The following CLCF1 variants were observed in gnomAD, a reference collection of about 807,000 sequenced individuals.
CLCF1 encodes cardiotrophin-like cytokine factor 1.
CLCF1 carries 10 observed loss-of-function variants against 21.2 expected under a neutral mutation model. The observed-to-expected ratio is 0.47, with a 90% CI of 0.29 to 0.80. CLCF1 has a LOEUF of 0.80. Among genes scored for constraint, CLCF1 ranks in the 30% least tolerant of loss-of-function variants. The pLI is 0.09. For synonymous variants in CLCF1, 115 were observed against 120.5 expected, an observed-to-expected ratio of 0.95 and a Z score of 0.30; for missense variants, 240 against 293.4, an observed-to-expected ratio of 0.82 and a Z score of 1.33.
At chr11:67,371,816 CAGTG>C (rs979145869) in intron 1 of CLCF1, among the ~76,000 whole-genome samples, 5 of 151,922 alleles carry the variant, frequency 3.3e-5, no homozygotes, top group Admixed American at 3.3e-4. Context: ...TGTGAAGTGT[CAGTG>C]AGCCAGTGGC....
Position 67,364,906 on chromosome 11 carries a change from C to T in CLCF1, c.*230G>A. The T allele has an allele frequency of 1.6e-6, 1 of 635,944 alleles. No individual in the cohort carries two copies. Among genetic ancestry groups the T allele is most frequent in the Non-Finnish European group, 2.6e-6 (1 of 379,612 alleles). 39.4% of individuals were successfully genotyped at this position (635,944 alleles called of 1,614,324 possible). A position where few individuals can be genotyped will look rare whatever the true frequency, so the allele number is the denominator to read the frequency against. On this transcript the variant is annotated 3_prime_UTR_variant, in exon 3 of 3. Transcript: ENST00000312438. ...TTCACACTCCCTCGAGCATGACTTC[C>T]TGTAGAAACAGGACAGGACAGGGCC...
At chr11:67,369,769 CT>C (rs1862190100) in intron 1 of CLCF1, 1 of 985,330 alleles carries the variant, frequency 1.0e-6, no homozygotes, top group East Asian at 1.1e-4. Context: ...TAGGCTCTGC[CT>C]TTGTCATGGC....
At position 67,365,905 on chromosome 11, in the gene CLCF1, G is replaced by A. The variant is rs1249440938; in HGVS notation, c.184-275C>T. Reference sequence around the variant, plus strand: ...GACGCACAAGACGCTCAGGAAGGACGTGCTGATTGGCTGGGTGGGCAAACC... The same window carrying A: ...GACGCACAAGACGCTCAGGAAGGACATGCTGATTGGCTGGGTGGGCAAACC... On this transcript the variant is annotated intron_variant, in intron 2 of 2. Transcript: ENST00000312438. This position sits in a 1 kb window ranked among gnomAD's most constrained non-coding sequence, Gnocchi z 5.0. 6.6e-6 allele frequency among the ~76,000 whole-genome samples: 1 copy of A among 152,216 alleles called. No homozygotes were observed. Among genetic ancestry groups the A allele is most frequent in the African/African-American group, 2.4e-5 (1 of 41,460 alleles).
rs1255548926 is a variant in CLCF1, at chr11:67,372,259, T to C, written c.16+1265A>G. 1.3e-5 allele frequency among the ~76,000 whole-genome samples: 2 copies of C among 151,590 alleles called. No homozygotes were observed. Among genetic ancestry groups the C allele is most frequent in the Non-Finnish European group, 2.9e-5 (2 of 67,828 alleles). On this transcript the variant is annotated intron_variant, in intron 1 of 2. Coordinates refer to ENST00000312438, the MANE Select transcript of CLCF1 (RefSeq NM_013246.3). The surrounding 1 kb of genome is among the most constrained non-coding windows in gnomAD (Gnocchi z 5.9). ...CACCCGCCCGTCTCCCCTCCTCTCC[T>C]GGTAGCCCCTCACACCCCGGGGGGA...
Position 67,373,588 on chromosome 11 carries a change from CG to C in CLCF1, c.-50del. The C allele has an allele frequency of 7.5e-7, 1 of 1,329,658 alleles. No individual in the cohort carries two copies. The highest frequency in any genetic ancestry group is 9.6e-7 in the Non-Finnish European group (1 of 1,039,318). 82.4% of individuals were successfully genotyped at this position (1,329,658 alleles called of 1,614,324 possible). ...GTGCGGCTCCTCTCCCGGAGGCTGG[CG>C]GAGTGGGAGGGCGAGCCGCGGCTCC... is the stretch of plus-strand genomic sequence containing the variant. On this transcript the variant is annotated 5_prime_UTR_variant, in exon 1 of 3. Transcript: ENST00000312438.
chr11:67,367,745 C>T (rs532257038), intron 1 of CLCF1, 119 bp from the exon 2 acceptor site: 191 of 1,522,846 alleles, frequency 1.3e-4, no homozygotes, highest in Non-Finnish European at 1.3e-4. Context: ...GGTGGGACAC[C>T]AGATGGGAGG....
In CLCF1 at chr11:67,372,797, C is replaced by A. The variant is rs1027606758; in HGVS notation, c.16+727G>T. 1.5e-4 allele frequency among the ~76,000 whole-genome samples: 22 copies of A among 150,172 alleles called. No homozygotes were observed. The highest frequency in any genetic ancestry group is 2.4e-4 in the African/African-American group (10 of 41,192). ...GTCCGGCCCGGCTGCGCCAGCCCCC[C>A]GCCAAACAATAATCACTCCCAGGCC... On this transcript the variant is annotated intron_variant, in intron 1 of 2. Transcript: ENST00000312438. The surrounding 1 kb of genome is among the most constrained non-coding windows in gnomAD (Gnocchi z 5.9).
chr11:67,365,146 T>TGA lies in CLCF1; in HGVS notation c.666_667dup (p.His223LeufsTer7). 6.2e-7 allele frequency: 1 copy of TGA among 1,613,842 alleles called. No homozygotes were observed. Among genetic ancestry groups the TGA allele is most frequent in the Non-Finnish European group, 8.5e-7 (1 of 1,180,032 alleles). On this transcript the variant is annotated frameshift_variant, in exon 3 of 3. Coordinates refer to ENST00000312438, the MANE Select transcript of CLCF1 (RefSeq NM_013246.3). LOFTEE classifies it high-confidence loss of function. The surrounding 1 kb of genome is among the most constrained non-coding windows in gnomAD (Gnocchi z 5.0). Reference sequence around the variant, plus strand: ...GGAGAAGGTCAGAAGTCAGAAGCCATGAGCCCCCAGGTGCAGGGTGACTGC... The same window carrying TGA: ...GGAGAAGGTCAGAAGTCAGAAGCCATGAGAGCCCCCAGGTGCAGGGTGACTGC...
intron 2 of CLCF1, among the ~76,000 whole-genome samples, chr11:67,366,900 C>G (rs1590913702): frequency 6.6e-6 from 1 of 152,006 alleles, no homozygotes; most frequent in African/African-American, 2.4e-5. Flanking sequence ...TGGACCACCC[C>G]CAAATCCTTA....
chr11:67,370,385 C>G, intron 1 of CLCF1: 1 of 984,430 alleles, frequency 1.0e-6, no homozygotes, highest in South Asian at 4.7e-5. Flanking sequence ...CCCCTCTCCC[C>G]CTCCCCACCA....
chr11:67,369,050 C>T, intron 1 of CLCF1: 2 of 984,370 alleles, frequency 2.0e-6, no homozygotes, highest in Non-Finnish European at 2.4e-6. Flanking sequence ...ACGCTTTGCC[C>T]ATGGTTAGGA....
At chr11:67,369,484 C>T in intron 1 of CLCF1, 1 of 985,450 alleles carries the variant, frequency 1.0e-6, no homozygotes, top group Non-Finnish European at 1.2e-6. Context: ...CAGCTCTTGC[C>T]TGACTCAGTT....
In CLCF1 at chr11:67,365,908, C is replaced by T. The variant is rs1862085717; in HGVS notation, c.184-278G>A. ...GCACAAGACGCTCAGGAAGGACGTG[C>T]TGATTGGCTGGGTGGGCAAACCTTG... On this transcript the variant is annotated intron_variant, in intron 2 of 2. Coordinates refer to ENST00000312438, the MANE Select transcript of CLCF1 (RefSeq NM_013246.3). This position sits in a 1 kb window ranked among gnomAD's most constrained non-coding sequence, Gnocchi z 5.0. Among the ~76,000 whole-genome samples the T allele has an allele frequency of 6.6e-6, 1 of 152,098 alleles. No homozygotes were observed. Among genetic ancestry groups the T allele is most frequent in the Non-Finnish European group, 1.5e-5 (1 of 68,010 alleles).
rs778526790 is a variant in CLCF1, at chr11:67,365,420, T to C, written c.394A>G (p.Ser132Gly). The C allele has an allele frequency of 2.5e-6, 4 of 1,613,528 alleles. No homozygotes were observed. The East Asian group carries it at 6.7e-5, about 27-fold the overall frequency. The change falls in exon 3 of 3, where the codon AGC becomes GGC. Residue 132 changes from serine to glycine, a missense_variant. Physicochemically the swap from Ser to Gly is moderately conservative, Grantham distance 56 (BLOSUM62 0). Coordinates refer to ENST00000312438, the MANE Select transcript of CLCF1 (RefSeq NM_013246.3). This position sits in a 1 kb window ranked among gnomAD's most constrained non-coding sequence, Gnocchi z 5.0. ...RQAATAELRR[S>G]LAHFCTSLQG... is the part of the protein sequence containing the mutation. Reference sequence around the variant, plus strand: ...AGGCTGGTGCAGAAGTGGGCCAGGCTGCGGCGCAGCTCAGCAGTGGCAGCC... The same window carrying C: ...AGGCTGGTGCAGAAGTGGGCCAGGCCGCGGCGCAGCTCAGCAGTGGCAGCC...
chr11:67,367,655 G>A (rs767583156), intron 1 of CLCF1, 29 bp from the exon 2 acceptor site: 1 of 1,606,326 alleles, frequency 6.2e-7, no homozygotes, highest in South Asian at 1.1e-5. Context: ...AGAAGCATGA[G>A]CGCGGCCCGG....
intron 2 of CLCF1, among the ~76,000 whole-genome samples, chr11:67,366,214 G>A (rs188103767): frequency 1.3e-5 from 2 of 152,186 alleles, no homozygotes; most frequent in Non-Finnish European, 2.9e-5. Flanking sequence ...AGAGGAAGTG[G>A]AGGCAGAGGG....
At position 67,365,603 on chromosome 11, in the gene CLCF1, C is replaced by G. The variant is rs528341431; in HGVS notation, c.211G>C (p.Glu71Gln). Residue 71 changes from glutamate (E) to glutamine (Q), a missense_variant, in exon 3 of 3, where the codon GAG (glutamate) becomes CAG (glutamine). Coordinates refer to ENST00000312438, the MANE Select transcript of CLCF1 (RefSeq NM_013246.3). The surrounding 1 kb of genome is among the most constrained non-coding windows in gnomAD (Gnocchi z 5.0). ...YLNYLGPPFN[E>Q]PDFNPPRLGA... is the part of the protein sequence containing the mutation. ...AGGCGGGGAGGGTTGAAGTCTGGCT[C>G]GTTGAAAGGGGGGCCCAGGTAGTTC... is the stretch of plus-strand genomic sequence containing the variant. 5.6e-6 allele frequency: 9 copies of G among 1,612,088 alleles called. No individual in the cohort carries two copies. Among genetic ancestry groups the G allele is most frequent in the African/African-American group, 4.0e-5 (3 of 74,882 alleles).
intron 1 of CLCF1, chr11:67,369,669 A>G (rs1303326379): frequency 6.1e-6 from 6 of 985,288 alleles, no homozygotes; most frequent in Non-Finnish European, 7.2e-6. Context: ...GTCTGGCTTC[A>G]CTCAAAGTTA....
rs1862271411 is a variant in CLCF1 at position 67,372,964 on chromosome 11, G to C, written c.16+560C>G. Among the ~76,000 whole-genome samples, 1 of 149,126 alleles carries C rather than the reference G, an allele frequency of 6.7e-6. No homozygotes were observed. Among genetic ancestry groups the C allele is most frequent in the Admixed American group, 6.6e-5 (1 of 15,086 alleles). Reference sequence around the variant, plus strand: ...TCCCGCGGCGCGGCTCGGCCCGTCCGGCCCGGCCCAGCCAGGCTCGGCGCT... The same window carrying C: ...TCCCGCGGCGCGGCTCGGCCCGTCCCGCCCGGCCCAGCCAGGCTCGGCGCT... On this transcript the variant is annotated intron_variant, in intron 1 of 2. Coordinates refer to ENST00000312438, the MANE Select transcript of CLCF1 (RefSeq NM_013246.3). This position sits in a 1 kb window ranked among gnomAD's most constrained non-coding sequence, Gnocchi z 5.9.
Sources: allele counts gnomAD v4.1 joint callset (sites outside exome capture counted in the v4.1 genomes callset), GRCh38; gene constraint gnomAD v4.1.1; non-coding constraint Gnocchi (gnomAD v3.1); transcripts MANE v1.5; gene names NCBI Gene and HGNC (gene_info 2026-07-23, HGNC 2026-07-21).